Variants in MTR observed in about 807,000 individuals in gnomAD.
MTR encodes the protein 5-methyltetrahydrofolate-homocysteine methyltransferase.
MTR carries 84 observed loss-of-function variants against 154.8 expected under a neutral mutation model. That is an observed-to-expected ratio of 0.54 (90% confidence interval 0.45 to 0.65). MTR has a LOEUF of 0.65. Among genes scored for constraint, MTR ranks in the 30% least tolerant of loss-of-function variants. The probability of loss-of-function intolerance (pLI) is 0.00; values close to 1 mark genes in which losing one functional copy is unlikely to be tolerated. For missense variants in MTR, 1,275 were observed against 1,570.2 expected, an observed-to-expected ratio of 0.81 and a Z score of 3.18; for synonymous variants, 554 against 553.9, an observed-to-expected ratio of 1.00 and a Z score of 0.00.
At chr1:236,803,682 A>G (rs1233921528) in intron 2 of MTR, 40 bp downstream of exon 2, 2 of 1,585,524 alleles carry the variant, frequency 1.3e-6, no homozygotes, top group Non-Finnish European at 1.7e-6. Flanking sequence ...TCATTCTGTT[A>G]TTCTGCAAGC....
chr1:236,841,111 T>C (rs775676600), intron 15 of MTR, among the ~76,000 whole-genome samples: 7 of 152,244 alleles, frequency 4.6e-5, no homozygotes, highest in African/African-American at 7.2e-5. Context: ...AAGCTGATTC[T>C]TGTAGCATCT....
intron 29 of MTR, among the ~76,000 whole-genome samples, chr1:236,893,441 C>T (rs181618401): frequency 2.2e-4 from 34 of 152,290 alleles, no homozygotes; most frequent in Admixed American, 5.9e-4. Flanking sequence ...AGCCCCCTGG[C>T]CCCTCCCACT....
In MTR at chr1:236,795,309, G is replaced by A. The variant is rs1276838394; in HGVS notation, c.-395G>A. 3 of 1,231,050 alleles carry A rather than the reference G, an allele frequency of 2.4e-6. No homozygotes were observed. The African/African-American group carries it at 4.7e-5, about 19-fold the overall frequency. The allele number at this position is 1,231,050 out of a possible 1,614,324, so 76.3% of individuals were successfully genotyped here. A position where few individuals can be genotyped will look rare whatever the true frequency, so the allele number is the denominator to read the frequency against. ...TTGAGCGCAGAACTAACCGCGCTCT[G>A]AAAGGTTCTAAATGTCTGCGGGGCT... On this transcript the variant is annotated 5_prime_UTR_variant, in exon 1 of 33. Coordinates refer to ENST00000366577, the MANE Select transcript of MTR (RefSeq NM_000254.3).
In MTR at chr1:236,902,105, T is replaced by G. The variant is rs113118968; in HGVS notation, c.*4461T>G. On this transcript the variant is annotated 3_prime_UTR_variant, in exon 33 of 33. Coordinates refer to ENST00000366577, the MANE Select transcript of MTR (RefSeq NM_000254.3). Reference sequence around the variant, plus strand: ...CCCCCGCCTCAATCCTCCTGCTGCCTGAATAACCATCTCCCCGTGACCTAG... The same window carrying G: ...CCCCCGCCTCAATCCTCCTGCTGCCGGAATAACCATCTCCCCGTGACCTAG... The G allele has an allele frequency of 0.024, 3,665 of 152,400 alleles. 168 individuals are homozygous for G. Among genetic ancestry groups the G allele is most frequent in the African/African-American group, 0.084 (3,479 of 41,484 alleles). 9.4% of individuals were successfully genotyped at this position (152,400 alleles called of 1,614,324 possible). A position where few individuals can be genotyped will look rare whatever the true frequency, so the allele number is the denominator to read the frequency against.
intron 8 of MTR, among the ~76,000 whole-genome samples, chr1:236,818,491 T>G (rs1243870741): frequency 2.0e-5 from 3 of 152,330 alleles, no homozygotes; most frequent in Non-Finnish European, 1.5e-5. Flanking sequence ...ATGTTTTTAT[T>G]TCTTAAGCAA....
intron 7 of MTR, 151 bp from the exon 8 acceptor site, chr1:236,816,298 T>C: frequency 4.2e-6 from 3 of 720,334 alleles, no homozygotes; most frequent in Non-Finnish European, 7.5e-6. Flanking sequence ...GTTCTGACTA[T>C]TATAGAAAGT....
chr1:236,892,557 C>G (rs552084277), intron 29 of MTR, among the ~76,000 whole-genome samples: 2 of 152,264 alleles, frequency 1.3e-5, no homozygotes, highest in East Asian at 1.9e-4. Context: ...CATATTTTTA[C>G]CATAACAGCA....
Position 236,897,020 on chromosome 1 carries a change from G to T in MTR, c.3613G>T (p.Glu1205Ter), listed in dbSNP as rs121913581. 1 of 1,613,836 alleles carries T rather than the reference G, an allele frequency of 6.2e-7. No homozygotes were observed. The highest frequency in any genetic ancestry group is 8.5e-7 in the Non-Finnish European group (1 of 1,179,738). ...GCTCCCTCTAGGCATTAGGTTAACA[G>T]AATCATTAGCAATGGCACCTGCTTC... ...IEQSTGIRLT[E>*]SLAMAPASAV... The change falls in exon 32 of 33, where the codon GAA becomes TAA. Residue 1205 changes from glutamate (E) to a stop codon, truncating the protein, a stop_gained. Coordinates refer to ENST00000366577, the MANE Select transcript of MTR (RefSeq NM_000254.3). LOFTEE classifies it high-confidence loss of function.
intron 1 of MTR, 23 bp downstream of exon 1, chr1:236,795,760 G>C (rs755206414): frequency 1.2e-6 from 2 of 1,614,008 alleles, no homozygotes; most frequent in Non-Finnish European, 1.7e-6. Context: ...CCCCGTCTGC[G>C]TGGTTGGGTT....
At chr1:236,889,403 C>A in intron 28 of MTR, 67 bp downstream of exon 28, 1 of 1,598,830 alleles carries the variant, frequency 6.3e-7, no homozygotes, top group Non-Finnish European at 8.6e-7. Flanking sequence ...CTTTGAAGAC[C>A]GGAATCGGTG....
chr1:236,854,333 T>C (rs1320884342), intron 18 of MTR, among the ~76,000 whole-genome samples: 1 of 152,222 alleles, frequency 6.6e-6, no homozygotes, highest in African/African-American at 2.4e-5. Flanking sequence ...CAGTTTCTCA[T>C]GTGGACCCAG....
chr1:236,866,141 G>A (rs1012607460), intron 22 of MTR, among the ~76,000 whole-genome samples: 1 of 152,124 alleles, frequency 6.6e-6, no homozygotes, highest in Non-Finnish European at 1.5e-5. Context: ...TGCAGATACA[G>A]CATTTTGTAA....
Position 236,795,380 on chromosome 1 carries a change from G to T in MTR, c.-324G>T. On this transcript the variant is annotated 5_prime_UTR_variant, in exon 1 of 33. Transcript: ENST00000366577. Reference sequence around the variant, plus strand: ...TCCTCCTCTGCCGGTTTTCTCTTGGGTCCTTTTCCGTGCCGTCCCGCGACT... The same window carrying T: ...TCCTCCTCTGCCGGTTTTCTCTTGGTTCCTTTTCCGTGCCGTCCCGCGACT... 7.1e-7 allele frequency: 1 copy of T among 1,398,606 alleles called. No homozygotes were observed. Among genetic ancestry groups the T allele is most frequent in the Non-Finnish European group, 9.4e-7 (1 of 1,059,290 alleles). 86.6% of individuals were successfully genotyped at this position (1,398,606 alleles called of 1,614,324 possible). A position where few individuals can be genotyped will look rare whatever the true frequency, so the allele number is the denominator to read the frequency against.
chr1:236,841,312 A>G (rs979594891), intron 15 of MTR, among the ~76,000 whole-genome samples: 1 of 152,206 alleles, frequency 6.6e-6, no homozygotes, highest in Non-Finnish European at 1.5e-5. Context: ...AAGCTGAGCC[A>G]TGCAGTAGTA....
intron 14 of MTR, 147 bp downstream of exon 14, chr1:236,835,834 G>A: frequency 1.8e-6 from 2 of 1,123,388 alleles, no homozygotes; most frequent in Non-Finnish European, 2.7e-6. Context: ...CTGATTGTCA[G>A]CTTTCTCAGA....
At position 236,838,615 on chromosome 1, in the gene MTR, T is replaced by C. The variant is rs776330441; in HGVS notation, c.1515+16T>C. 1.9e-6 allele frequency: 3 copies of C among 1,613,894 alleles called. No individual in the cohort carries two copies. Among genetic ancestry groups the C allele is most frequent in the Non-Finnish European group, 2.5e-6 (3 of 1,179,924 alleles). Reference sequence around the variant, plus strand: ...AGAAGGACAGGTGAGTGGTTTCTTTTGGCCTAATCCATTGTGTTTCCCAGG... The same window carrying C: ...AGAAGGACAGGTGAGTGGTTTCTTTCGGCCTAATCCATTGTGTTTCCCAGG... On this transcript the variant is annotated intron_variant, in intron 15 of 32. Coordinates refer to ENST00000366577, the MANE Select transcript of MTR (RefSeq NM_000254.3).
intron 27 of MTR, 58 bp downstream of exon 27, chr1:236,886,425 G>A (rs1158101567): frequency 1.3e-6 from 2 of 1,511,654 alleles, no homozygotes; most frequent in African/African-American, 2.7e-5. Flanking sequence ...GTGTGCTGAG[G>A]AAATACATGC....
At position 236,901,585 on chromosome 1, in the gene MTR, A is replaced by T. The variant is rs898863294; in HGVS notation, c.*3941A>T. On this transcript the variant is annotated 3_prime_UTR_variant, in exon 33 of 33. Transcript: ENST00000366577. ...AAATACCACAAACTGGTTAGCTTAT[A>T]GAGAACAGATGTTTATTTCTTACAG... The T allele has an allele frequency of 1.3e-5, 2 of 152,216 alleles. No individual in the cohort carries two copies. The highest frequency in any genetic ancestry group is 2.9e-5 in the Non-Finnish European group (2 of 68,068). 9.4% of individuals were successfully genotyped at this position (152,216 alleles called of 1,614,324 possible).
At chr1:236,865,805 TG>T (rs367820142) in intron 22 of MTR, among the ~76,000 whole-genome samples, 2 of 152,146 alleles carry the variant, frequency 1.3e-5, no homozygotes, top group Non-Finnish European at 2.9e-5. Flanking sequence ...GTCACCTTTT[TG>T]TTGTTGTCAT....
Sources: allele counts gnomAD v4.1 joint callset (sites outside exome capture counted in the v4.1 genomes callset), GRCh38; gene constraint gnomAD v4.1.1; transcripts MANE v1.5; gene names NCBI Gene and HGNC (gene_info 2026-07-23, HGNC 2026-07-21).